Variants in PIK3CA observed in about 807,000 individuals in gnomAD.
PIK3CA encodes the protein phosphatidylinositol-4,5-bisphosphate 3-kinase catalytic subunit alpha.
In PIK3CA, 27 loss-of-function variants were observed where a neutral mutation model predicts 138.2. That is an observed-to-expected ratio of 0.20 (90% confidence interval 0.14 to 0.27). The LOEUF is 0.27. Ranked by LOEUF, PIK3CA falls within the 10% of genes least tolerant of loss-of-function variation. The probability of loss-of-function intolerance (pLI) is 1.00; values close to 1 mark genes in which losing one functional copy is unlikely to be tolerated. For missense variants in PIK3CA, 544 were observed against 1,277.4 expected (o/e 0.43, Z 8.75); for synonymous variants, 358 against 413.2 (o/e 0.87, Z 1.62).
chr3:179,208,293 ATTATT>A (rs367624458), intron 6 of PIK3CA, among the ~76,000 whole-genome samples: 6 of 152,318 alleles, frequency 3.9e-5, no homozygotes, highest in Non-Finnish European at 7.4e-5. Flanking sequence ...TTGATTAAGA[ATTATT>A]TTATTTATAA....
Position 179,220,753 on chromosome 3 carries a change from C to T in PIK3CA, c.2016-233C>T, listed in dbSNP as rs979559569. On this transcript the variant is annotated intron_variant, in intron 13 of 20. Transcript: ENST00000263967. This position sits in a 1 kb window ranked among gnomAD's most constrained non-coding sequence, Gnocchi z 4.1. ...TTGTACTGAGATTAGTCAATGAAAACTAGTTGAAATAAACCTAAAAACTAG... is the reference window on the plus strand; with the variant it reads ...TTGTACTGAGATTAGTCAATGAAAATTAGTTGAAATAAACCTAAAAACTAG... Among the ~76,000 whole-genome samples, 2 of 151,980 alleles carry T rather than the reference C, an allele frequency of 1.3e-5. No individual in the cohort carries two copies. Among genetic ancestry groups the T allele is most frequent in the Admixed American group, 6.6e-5 (1 of 15,256 alleles).
At chr3:179,214,083 T>C (rs965306856) in intron 9 of PIK3CA, among the ~76,000 whole-genome samples, 3 of 152,244 alleles carry the variant, frequency 2.0e-5, no homozygotes, top group Non-Finnish European at 4.4e-5. Flanking sequence ...TTTGATCTTC[T>C]ATCTAGACCA....
chr3:179,200,753 A>G (rs1724389956), intron 3 of PIK3CA, among the ~76,000 whole-genome samples: 1 of 152,150 alleles, frequency 6.6e-6, no homozygotes, highest in African/African-American at 2.4e-5. Flanking sequence ...CGTTTTCTTC[A>G]TCTTTCTCTT....
At chr3:179,153,900 C>G (rs1723070469) in intron 1 of PIK3CA, among the ~76,000 whole-genome samples, 1 of 152,160 alleles carries the variant, frequency 6.6e-6, no homozygotes, top group Non-Finnish European at 1.5e-5. Flanking sequence ...GATTCAGCTT[C>G]AAGGCTAGAG....
intron 14 of PIK3CA, among the ~76,000 whole-genome samples, chr3:179,221,478 C>T (rs1274902452): frequency 6.6e-6 from 1 of 152,146 alleles, no homozygotes; most frequent in African/African-American, 2.4e-5. Context: ...TTTACTTTCC[C>T]TTCCTTTCTC....
chr3:179,205,880 C>CT (rs1269704623), intron 6 of PIK3CA, among the ~76,000 whole-genome samples: 7 of 152,238 alleles, frequency 4.6e-5, no homozygotes, highest in African/African-American at 9.6e-5. Context: ...TGAATTTAGA[C>CT]TGAGTTCTAA....
At chr3:179,171,742 A>G (rs1451608874) in intron 1 of PIK3CA, among the ~76,000 whole-genome samples, 1 of 152,180 alleles carries the variant, frequency 6.6e-6, no homozygotes, top group Non-Finnish European at 1.5e-5. Context: ...TTGAATTAGT[A>G]GTTTAAAACT....
At chr3:179,224,265 C>A (rs1025814130) in intron 15 of PIK3CA, 78 bp downstream of exon 15, 8 of 709,400 alleles carry the variant, frequency 1.1e-5, no homozygotes, top group Non-Finnish European at 1.9e-5. Flanking sequence ...GTAAAAATGT[C>A]TGTTATAATT....
intron 1 of PIK3CA, among the ~76,000 whole-genome samples, chr3:179,195,775 T>C (rs1451047604): frequency 1.3e-5 from 2 of 152,194 alleles, no homozygotes; most frequent in Non-Finnish European, 2.9e-5. Flanking sequence ...AAAATGATAA[T>C]ATCTACCTCA....
Position 179,239,137 on chromosome 3 carries a change from T to C in PIK3CA, c.*4773T>C, listed in dbSNP as rs1725389566. The C allele has an allele frequency of 4.7e-6, 1 of 212,988 alleles. No homozygotes were observed. The highest frequency in any genetic ancestry group is 2.3e-5 in the African/African-American group (1 of 44,180). 13.2% of individuals were successfully genotyped at this position (212,988 alleles called of 1,614,324 possible). On this transcript the variant is annotated 3_prime_UTR_variant, in exon 21 of 21. Coordinates refer to ENST00000263967, the MANE Select transcript of PIK3CA (RefSeq NM_006218.4). ...CCCTTGTGCGTATACAGTAGTTAGG[T>C]AAATGATTTTTCTACCAACAGTATA...
At chr3:179,221,861 C>T (rs1180897422) in intron 14 of PIK3CA, among the ~76,000 whole-genome samples, 1 of 151,720 alleles carries the variant, frequency 6.6e-6, no homozygotes. Flanking sequence ...GAGCATGCCA[C>T]CACTTCCAGC....
chr3:179,211,187 CAT>C (rs1724700910), intron 9 of PIK3CA, among the ~76,000 whole-genome samples: 1 of 152,124 alleles, frequency 6.6e-6, no homozygotes, highest in African/African-American at 2.4e-5. Context: ...TTTATCAAAA[CAT>C]ACACACACAA....
intron 1 of PIK3CA, among the ~76,000 whole-genome samples, chr3:179,154,562 C>T (rs1723087523): frequency 6.6e-6 from 1 of 152,028 alleles, no homozygotes; most frequent in Non-Finnish European, 1.5e-5. Flanking sequence ...GACTAAATTC[C>T]CCTTCGGACT....
At position 179,201,218 on chromosome 3, in the gene PIK3CA, A is replaced by G. The variant is rs375704434; in HGVS notation, c.563-72A>G. 13 of 1,249,308 alleles carry G rather than the reference A, an allele frequency of 1.0e-5. No individual in the cohort carries two copies. In the African/African-American group the frequency reaches 1.2e-4, roughly 11 times the overall value. The allele number at this position is 1,249,308 out of a possible 1,614,324, so 77.4% of individuals were successfully genotyped here. On this transcript the variant is annotated intron_variant, in intron 3 of 20. Transcript: ENST00000263967. ...GATATGGATAAAGTAATGATAGTGA[A>G]TACTTGTTGAAATTTCTCCCTTGAA...
chr3:179,201,100 G>C (rs1366043496), intron 3 of PIK3CA, among the ~76,000 whole-genome samples, 190 bp from the exon 4 acceptor site: 1 of 152,036 alleles, frequency 6.6e-6, no homozygotes, highest in African/African-American at 2.4e-5. Context: ...CATGAGATTT[G>C]GGAATGATCT....
rs930690484 is a variant in PIK3CA at position 179,234,983 on chromosome 3, A to G, written c.*619A>G. On this transcript the variant is annotated 3_prime_UTR_variant, in exon 21 of 21. Transcript: ENST00000263967. The surrounding 1 kb of genome is among the most constrained non-coding windows in gnomAD (Gnocchi z 5.1). ...TCTTTTTAATAAATCAAACCTTTTG[A>G]TGATTTGAGGTTTTATCTGCAGTTT... is the stretch of plus-strand genomic sequence containing the variant. 1.8e-5 allele frequency: 4 copies of G among 216,432 alleles called. No individual in the cohort carries two copies. The highest frequency in any genetic ancestry group is 9.1e-5 in the African/African-American group (4 of 44,164). The allele number at this position is 216,432 out of a possible 1,614,324, so 13.4% of individuals were successfully genotyped here.
intron 1 of PIK3CA, among the ~76,000 whole-genome samples, chr3:179,192,520 C>T (rs1724160397): frequency 1.3e-5 from 2 of 152,210 alleles, no homozygotes; most frequent in Non-Finnish European, 2.9e-5. Context: ...TTTGCAGAGG[C>T]AGGGTTTGGG....
chr3:179,214,516 G>A (rs1482797329), intron 9 of PIK3CA, among the ~76,000 whole-genome samples: 2 of 152,000 alleles, frequency 1.3e-5, no homozygotes, highest in Non-Finnish European at 2.9e-5. Context: ...CTGCATCAGA[G>A]TAACATCAAA....
At chr3:179,152,398 G>A (rs555075779) in intron 1 of PIK3CA, among the ~76,000 whole-genome samples, 1 of 151,912 alleles carries the variant, frequency 6.6e-6, no homozygotes, top group East Asian at 1.9e-4. Flanking sequence ...GGGATTGTAC[G>A]AGGTGCTCTA....
Sources: allele counts gnomAD v4.1 joint callset (sites outside exome capture counted in the v4.1 genomes callset), GRCh38; gene constraint gnomAD v4.1.1; non-coding constraint Gnocchi (gnomAD v3.1); transcripts MANE v1.5; gene names NCBI Gene and HGNC (gene_info 2026-07-23, HGNC 2026-07-21).